Variants in RIC1 observed in about 807,000 individuals in gnomAD.
The protein encoded by RIC1 is guanine nucleotide exchange factor subunit RIC1.
A neutral mutation model predicts 169.0 loss-of-function variants in RIC1; 88 were observed. The observed-to-expected ratio is 0.52, with a 90% CI of 0.44 to 0.62. RIC1 has a LOEUF of 0.62. Among genes scored for constraint, RIC1 ranks in the 20% least tolerant of loss-of-function variants. RIC1 has a pLI of 0.00. For missense variants in RIC1, 1,877 were observed against 1,725.5 expected (o/e 1.09, Z -1.56); for synonymous variants, 790 against 601.5 (o/e 1.31, Z -4.59).
chr9:5,684,916 C>G (rs1250838240), intron 2 of RIC1, among the ~76,000 whole-genome samples: 1 of 152,226 alleles, frequency 6.6e-6, no homozygotes, highest in African/African-American at 2.4e-5. Flanking sequence ...GCAATGTATT[C>G]AGACTGTCAT....
In RIC1 at chr9:5,629,282, T is replaced by G; in HGVS notation, c.-28T>G. The stretch of plus-strand genomic sequence containing the variant: ...GGCCGCTGAGTGTGACGGACGCAAC[T>G]GGGGGCGCCGGGGGCTCCGCACGGA... On this transcript the variant is annotated 5_prime_UTR_variant, in exon 1 of 26. Transcript: ENST00000414202. The G allele has an allele frequency of 2.7e-6, 4 of 1,465,920 alleles. No homozygotes were observed. The highest frequency in any genetic ancestry group is 3.6e-6 in the Non-Finnish European group (4 of 1,109,336). The allele number at this position is 1,465,920 out of a possible 1,614,324, so 90.8% of individuals were successfully genotyped here.
At chr9:5,766,753 G>C (rs1254085012) in intron 21 of RIC1, among the ~76,000 whole-genome samples, 1 of 152,186 alleles carries the variant, frequency 6.6e-6, no homozygotes, top group Non-Finnish European at 1.5e-5. Flanking sequence ...GTTGACTGAT[G>C]GGCATTTGGG....
chr9:5,684,959 A>G (rs896831596), intron 2 of RIC1, among the ~76,000 whole-genome samples: 10 of 152,024 alleles, frequency 6.6e-5, no homozygotes, highest in Non-Finnish European at 5.9e-5. Flanking sequence ...AATAAGGTAA[A>G]TTACATGTAT....
chr9:5,687,230 G>A (rs1283071603), intron 2 of RIC1, among the ~76,000 whole-genome samples: 2 of 151,996 alleles, frequency 1.3e-5, no homozygotes, highest in African/African-American at 4.8e-5. Context: ...TGATCAGTGT[G>A]ACCAGAAATA....
intron 3 of RIC1, among the ~76,000 whole-genome samples, chr9:5,711,750 G>C (rs538877514): frequency 1.3e-5 from 2 of 152,152 alleles, no homozygotes; most frequent in African/African-American, 2.4e-5. Flanking sequence ...AACAGGACCT[G>C]ATGTGTGATG....
At chr9:5,730,351 A>G (rs372046710) in intron 6 of RIC1, among the ~76,000 whole-genome samples, 12 of 152,320 alleles carry the variant, frequency 7.9e-5, no homozygotes, top group Admixed American at 2.6e-4. Flanking sequence ...CAATCCAGTG[A>G]GCTAAGCCCA....
At chr9:5,755,619 C>A (rs1342183257) in intron 15 of RIC1, among the ~76,000 whole-genome samples, 1 of 152,048 alleles carries the variant, frequency 6.6e-6, no homozygotes, top group Non-Finnish European at 1.5e-5. Context: ...TATTATGTAT[C>A]AGGTCTAAAT....
chr9:5,695,548 T>C (rs1821842270), intron 3 of RIC1, among the ~76,000 whole-genome samples: 1 of 151,798 alleles, frequency 6.6e-6, no homozygotes, highest in Non-Finnish European at 1.5e-5. Flanking sequence ...TCTTGTCACT[T>C]TTCTCCTGGA....
At chr9:5,683,446 G>C (rs917992087) in intron 2 of RIC1, among the ~76,000 whole-genome samples, 7 of 152,182 alleles carry the variant, frequency 4.6e-5, no homozygotes, top group African/African-American at 1.4e-4. Context: ...CAGCAGCAGT[G>C]GCTGCAGAAC....
chr9:5,663,213 C>G lies in RIC1; in HGVS notation c.252+6523C>G, dbSNP rs549133519. Among the ~76,000 whole-genome samples the G allele has an allele frequency of 2.4e-4, 36 of 152,204 alleles. No homozygotes were observed. The South Asian group carries it at 4.8e-3, about 20-fold the overall frequency. On this transcript the variant is annotated intron_variant, in intron 2 of 25. Transcript: ENST00000414202. ...CTGAGAGACTGTTATCATTTCAGTT[C>G]TTTTGCATTTGCTGAAGAGTGTTTT...
At chr9:5,728,499 G>A (rs1324928405) in intron 6 of RIC1, among the ~76,000 whole-genome samples, 1 of 152,246 alleles carries the variant, frequency 6.6e-6, no homozygotes, top group Non-Finnish European at 1.5e-5. Context: ...CCCGGGTGAG[G>A]TGATGCCCTG....
At chr9:5,724,400 C>A (rs973621900) in intron 6 of RIC1, among the ~76,000 whole-genome samples, 1 of 152,204 alleles carries the variant, frequency 6.6e-6, no homozygotes, top group African/African-American at 2.4e-5. Flanking sequence ...GATTTTTGCA[C>A]ATTCATTTTG....
intron 17 of RIC1, among the ~76,000 whole-genome samples, chr9:5,758,334 T>A (rs1826128050): frequency 6.6e-6 from 1 of 152,212 alleles, no homozygotes; most frequent in African/African-American, 2.4e-5. Context: ...AAATTCTATG[T>A]GGATTTATTT....
rs369742628 is a variant in RIC1 at position 5,763,891 on chromosome 9, G to C, written c.2841+23G>C. ...CAGGTAACAATTCTCTTCTTATAAA[G>C]GGGCAAGAATTAATGAGCTTAAACT... On this transcript the variant is annotated intron_variant, in intron 19 of 25. Coordinates refer to ENST00000414202, the MANE Select transcript of RIC1 (RefSeq NM_020829.4). This position sits in a 1 kb window ranked among gnomAD's most constrained non-coding sequence, Gnocchi z 5.2. The C allele has an allele frequency of 7.6e-6, 12 of 1,584,000 alleles. No homozygotes were observed. The African/African-American group carries it at 1.6e-4, about 21-fold the overall frequency.
intron 4 of RIC1, 120 bp downstream of exon 4, chr9:5,714,123 C>G (rs1823097737): frequency 1.8e-6 from 1 of 569,320 alleles, no homozygotes; most frequent in Non-Finnish European, 3.0e-6. Context: ...CTTCTTAGTT[C>G]TGGAAATGCT....
chr9:5,697,740 C>G (rs981640624), intron 3 of RIC1, among the ~76,000 whole-genome samples: 7 of 152,184 alleles, frequency 4.6e-5, no homozygotes, highest in Non-Finnish European at 8.8e-5. Flanking sequence ...CCAGAACTTT[C>G]TAGATCAAGC....
intron 2 of RIC1, among the ~76,000 whole-genome samples, chr9:5,679,632 C>T (rs529694378): frequency 3.9e-5 from 6 of 152,204 alleles, no homozygotes; most frequent in African/African-American, 1.4e-4. Context: ...CATGATTTGG[C>T]TCTGTGTTTG....
chr9:5,706,062 G>A lies in RIC1; in HGVS notation c.333-7834G>A, dbSNP rs561922491. ...TCCAGTTTGCTAATATTTTGTTCAGGATTTTTTTTACATCTATATTCATAA... is the reference window on the plus strand; with the variant it reads ...TCCAGTTTGCTAATATTTTGTTCAGAATTTTTTTTACATCTATATTCATAA... On this transcript the variant is annotated intron_variant, in intron 3 of 25. Coordinates refer to ENST00000414202, the MANE Select transcript of RIC1 (RefSeq NM_020829.4). 3.0e-4 allele frequency among the ~76,000 whole-genome samples: 46 copies of A among 152,104 alleles called. No homozygotes were observed. The South Asian group carries it at 8.9e-3, about 29-fold the overall frequency.
intron 1 of RIC1, among the ~76,000 whole-genome samples, chr9:5,650,346 A>G (rs1168406976): frequency 6.6e-6 from 1 of 151,926 alleles, no homozygotes; most frequent in Non-Finnish European, 1.5e-5. Context: ...AGGGTGAGGC[A>G]ATCTCTATGC....
Sources: allele counts gnomAD v4.1 joint callset (sites outside exome capture counted in the v4.1 genomes callset), GRCh38; gene constraint gnomAD v4.1.1; non-coding constraint Gnocchi (gnomAD v3.1); transcripts MANE v1.5; gene names NCBI Gene and HGNC (gene_info 2026-07-23, HGNC 2026-07-21).